CTTNBP2NL: variants seen among roughly 807,000 people sequenced by gnomAD.
CTTNBP2NL encodes CTTNBP2 N-terminal like, also known as CTTNBP2 N-terminal-like protein.
CTTNBP2NL carries 16 observed loss-of-function variants against 32.5 expected under a neutral mutation model. That is an observed-to-expected ratio of 0.49 (90% confidence interval 0.33 to 0.75). CTTNBP2NL has a LOEUF of 0.75. Among genes scored for constraint, CTTNBP2NL ranks in the 30% least tolerant of loss-of-function variants. The probability of loss-of-function intolerance (pLI) is 0.02; values close to 1 mark genes in which losing one functional copy is unlikely to be tolerated. For missense variants in CTTNBP2NL, 645 were observed against 756.0 expected (o/e 0.85, Z 1.72); for synonymous variants, 298 against 289.4 (o/e 1.03, Z -0.30).
At chr1:112,427,334 A>G (rs1649432503) in intron 3 of CTTNBP2NL, among the ~76,000 whole-genome samples, 1 of 152,196 alleles carries the variant, frequency 6.6e-6, no homozygotes, top group Non-Finnish European at 1.5e-5. Context: ...CATCCCCTAT[A>G]TTCTGAATGC....
intron 1 of CTTNBP2NL, among the ~76,000 whole-genome samples, chr1:112,411,864 T>C (rs1345497765): frequency 2.0e-5 from 3 of 152,158 alleles, no homozygotes; most frequent in East Asian, 3.9e-4. Flanking sequence ...AAGTGCGTTG[T>C]GCTTAAGTCA....
rs1650530079 is a variant in CTTNBP2NL, at chr1:112,460,823, T to C, written c.*3411T>C. On this transcript the variant is annotated 3_prime_UTR_variant, in exon 6 of 6. Coordinates refer to ENST00000271277, the MANE Select transcript of CTTNBP2NL (RefSeq NM_018704.3). ...CAGCATTTAAGCAAATTAATGATCA[T>C]TTCAACAAATACTAGCATATCCGGT... 6.6e-6 allele frequency: 1 copy of C among 152,226 alleles called. No homozygotes were observed. The highest frequency in any genetic ancestry group is 1.9e-4 in the East Asian group (1 of 5,206). 9.4% of individuals were successfully genotyped at this position (152,226 alleles called of 1,614,324 possible).
chr1:112,444,173 T>C (rs902409709), intron 3 of CTTNBP2NL, among the ~76,000 whole-genome samples: 2 of 152,210 alleles, frequency 1.3e-5, no homozygotes, highest in African/African-American at 4.8e-5. Context: ...AATAAAACCT[T>C]ATAGTTGAAT....
chr1:112,454,924 A>G (rs1017276877), intron 5 of CTTNBP2NL, among the ~76,000 whole-genome samples: 4 of 152,234 alleles, frequency 2.6e-5, no homozygotes, highest in Non-Finnish European at 5.9e-5. Context: ...ACCCCCAGTA[A>G]GAAGTGACAT....
chr1:112,394,744 C>T (rs1648268991), upstream of CTTNBP2NL, among the ~76,000 whole-genome samples: 1 of 152,146 alleles, frequency 6.6e-6, no homozygotes, highest in Admixed American at 6.5e-5. Context: ...CATTCTTAGT[C>T]CAGCATGTGA....
At chr1:112,405,067 CAAA>C (rs1156267145) in intron 1 of CTTNBP2NL, among the ~76,000 whole-genome samples, 1 of 150,408 alleles carries the variant, frequency 6.6e-6, no homozygotes, top group Non-Finnish European at 1.5e-5. Context: ...AACTCCATCT[CAAA>C]AAAAACAAAC....
chr1:112,455,211 A>C (rs1650327293), intron 5 of CTTNBP2NL, among the ~76,000 whole-genome samples: 1 of 152,190 alleles, frequency 6.6e-6, no homozygotes, highest in Non-Finnish European at 1.5e-5. Flanking sequence ...ATTTGTGTAA[A>C]AAATATGATT....
At chr1:112,405,090 G>A (rs919718998) in intron 1 of CTTNBP2NL, among the ~76,000 whole-genome samples, 1 of 152,066 alleles carries the variant, frequency 6.6e-6, no homozygotes, top group Admixed American at 6.6e-5. Context: ...CAAAAAAAAT[G>A]TAATGTTTCA....
At chr1:112,432,304 G>C (rs934391089) in intron 3 of CTTNBP2NL, among the ~76,000 whole-genome samples, 2 of 151,814 alleles carry the variant, frequency 1.3e-5, no homozygotes, top group East Asian at 3.9e-4. Flanking sequence ...TTCATGATCC[G>C]CCTGCCTTGG....
chr1:112,436,817 T>A (rs1314653590), intron 3 of CTTNBP2NL, among the ~76,000 whole-genome samples: 1 of 152,208 alleles, frequency 6.6e-6, no homozygotes, highest in Admixed American at 6.5e-5. Context: ...CCCTCCACTG[T>A]CAAATAGTCC....
chr1:112,440,884 A>C (rs1256985768), intron 3 of CTTNBP2NL, among the ~76,000 whole-genome samples: 1 of 151,406 alleles, frequency 6.6e-6, no homozygotes, highest in Non-Finnish European at 1.5e-5. Flanking sequence ...CGCAGGCAAT[A>C]AACGCTCGAG....
At chr1:112,431,824 C>A (rs965314914) in intron 3 of CTTNBP2NL, among the ~76,000 whole-genome samples, 6 of 151,934 alleles carry the variant, frequency 3.9e-5, no homozygotes, top group African/African-American at 1.2e-4. Context: ...ACACAGACAC[C>A]ACACACATGC....
At chr1:112,438,615 G>A (rs1649808049) in intron 3 of CTTNBP2NL, among the ~76,000 whole-genome samples, 2 of 152,118 alleles carry the variant, frequency 1.3e-5, no homozygotes, top group Non-Finnish European at 2.9e-5. Flanking sequence ...AGTGGTGAGA[G>A]AGGGCATCCT....
chr1:112,450,477 G>T (rs139989918), intron 4 of CTTNBP2NL, among the ~76,000 whole-genome samples: 1 of 152,150 alleles, frequency 6.6e-6, no homozygotes, highest in South Asian at 2.1e-4. Context: ...GGAGTTAGTT[G>T]CCTAAATTGG....
At chr1:112,430,693 A>G (rs1649546457) in intron 3 of CTTNBP2NL, among the ~76,000 whole-genome samples, 1 of 151,976 alleles carries the variant, frequency 6.6e-6, no homozygotes, top group Non-Finnish European at 1.5e-5. Flanking sequence ...AGCTGGGACT[A>G]CAGGTGCGTG....
At chr1:112,418,033 A>G (rs1401520146) in intron 3 of CTTNBP2NL, among the ~76,000 whole-genome samples, 2 of 152,158 alleles carry the variant, frequency 1.3e-5, no homozygotes, top group Non-Finnish European at 2.9e-5. Flanking sequence ...TGTTCTAAAT[A>G]GTTATGATTT....
intron 1 of CTTNBP2NL, among the ~76,000 whole-genome samples, chr1:112,399,991 C>T (rs536888349): frequency 4.2e-4 from 64 of 152,236 alleles, no homozygotes; most frequent in African/African-American, 1.5e-3. Flanking sequence ...ATGGCTTAAA[C>T]CCAGGAGGCG....
At chr1:112,431,265 G>A (rs1649562728) in intron 3 of CTTNBP2NL, among the ~76,000 whole-genome samples, 1 of 152,198 alleles carries the variant, frequency 6.6e-6, no homozygotes, top group South Asian at 2.1e-4. Flanking sequence ...CTCTTATTGT[G>A]TCTTCCTTGC....
At chr1:112,440,386 T>C (rs890889988) in intron 3 of CTTNBP2NL, among the ~76,000 whole-genome samples, 22 of 152,216 alleles carry the variant, frequency 1.4e-4, no homozygotes, top group Non-Finnish European at 2.8e-4. Context: ...TATCATAGCT[T>C]AAATTGTTTA....
Sources: gnomAD v4.1 joint callset for allele counts (sites outside exome capture counted in the v4.1 genomes callset) on GRCh38, gnomAD v4.1.1 for gene constraint, MANE v1.5 for transcripts, NCBI Gene and HGNC (gene_info 2026-07-23, HGNC 2026-07-21) for gene names.